Variants in PLGRKT observed in about 807,000 individuals in gnomAD.
PLGRKT encodes plasminogen receptor with a C-terminal lysine, also known as plasminogen receptor (KT).
Under a neutral mutation model 18.5 loss-of-function variants are expected in PLGRKT, and 22 were observed. The observed-to-expected ratio is 1.19, with a 90% confidence interval of 0.85 to 1.70. The LOEUF (loss-of-function observed/expected upper bound fraction) is 1.70, where lower values mean the gene tolerates loss of function less well. PLGRKT is among the 40% of genes most tolerant of loss of function. The pLI, the probability that PLGRKT is intolerant of heterozygous loss-of-function variation, is 0.00. For synonymous variants in PLGRKT, 72 were observed against 52.8 expected, an observed-to-expected ratio of 1.36 and a Z score of -1.58; for missense variants, 235 against 174.4, an observed-to-expected ratio of 1.35 and a Z score of -1.96.
chr9:5,365,329 C>G lies in PLGRKT; in HGVS notation c.82-3441G>C, dbSNP rs780147031. On this transcript the variant is annotated intron_variant, in intron 3 of 5. Coordinates refer to ENST00000223864, the MANE Select transcript of PLGRKT (RefSeq NM_018465.4). ...TCCAAAGCTGGAACAATTTTATCAG[C>G]AAAATAAATAACATAGTGTTGGATT... 5.9e-5 allele frequency among the ~76,000 whole-genome samples: 9 copies of G among 151,988 alleles called. 1 individual carries two copies. Among genetic ancestry groups the G allele is most frequent in the Non-Finnish European group, 1.3e-4 (9 of 67,982 alleles).
chr9:5,413,505 G>T (rs550888833), intron 3 of PLGRKT, among the ~76,000 whole-genome samples: 5 of 152,160 alleles, frequency 3.3e-5, no homozygotes, highest in African/African-American at 1.2e-4. Flanking sequence ...AAAGATGGAG[G>T]CAAGAGAGTC....
intron 3 of PLGRKT, among the ~76,000 whole-genome samples, chr9:5,392,866 G>C (rs1241530437): frequency 6.6e-6 from 1 of 151,456 alleles, no homozygotes; most frequent in Admixed American, 6.6e-5. Flanking sequence ...TTTTGAGACA[G>C]AGTCTCACTC....
chr9:5,437,990 C>G (rs370348999), upstream of PLGRKT: 1 of 152,260 alleles, frequency 6.6e-6, no homozygotes, highest in Non-Finnish European at 1.5e-5. Flanking sequence ...CCGGGTGTGT[C>G]CTTCCGGGCC....
At chr9:5,415,618 A>C (rs964819795) in intron 3 of PLGRKT, among the ~76,000 whole-genome samples, 4 of 152,202 alleles carry the variant, frequency 2.6e-5, no homozygotes, top group Non-Finnish European at 4.4e-5. Flanking sequence ...ATCAAGGTTA[A>C]CACCACTAGC....
chr9:5,410,304 G>A (rs1374685232), intron 3 of PLGRKT, among the ~76,000 whole-genome samples: 4 of 152,124 alleles, frequency 2.6e-5, no homozygotes, highest in African/African-American at 9.7e-5. Context: ...GGGAGGCTGA[G>A]TCAAGTGGAT....
chr9:5,431,332 G>A (rs376692163), intron 3 of PLGRKT, among the ~76,000 whole-genome samples: 2 of 152,086 alleles, frequency 1.3e-5, no homozygotes, highest in East Asian at 3.9e-4. Flanking sequence ...CCAGGAGTTC[G>A]AGACCAGCCT....
intron 3 of PLGRKT, among the ~76,000 whole-genome samples, chr9:5,364,449 G>C (rs973186918): frequency 4.6e-5 from 7 of 152,136 alleles, no homozygotes; most frequent in Non-Finnish European, 1.5e-5. Flanking sequence ...TTCTGCATTT[G>C]TCAAAACTCA....
chr9:5,381,232 A>G (rs1817738500), intron 3 of PLGRKT, among the ~76,000 whole-genome samples: 2 of 152,236 alleles, frequency 1.3e-5, no homozygotes, highest in Admixed American at 6.5e-5. Context: ...AGGGCATTTC[A>G]GAGCTGTTCG....
At chr9:5,402,807 C>A (rs1295211813) in intron 3 of PLGRKT, among the ~76,000 whole-genome samples, 1 of 151,776 alleles carries the variant, frequency 6.6e-6, no homozygotes, top group Non-Finnish European at 1.5e-5. Flanking sequence ...AGTAGGACAG[C>A]AAAATTAAGT....
chr9:5,426,795 A>G (rs1400831475), intron 3 of PLGRKT, among the ~76,000 whole-genome samples: 2 of 152,194 alleles, frequency 1.3e-5, no homozygotes, highest in African/African-American at 2.4e-5. Flanking sequence ...CCAGTCAAAG[A>G]GCAGACTTGC....
intron 3 of PLGRKT, among the ~76,000 whole-genome samples, chr9:5,416,540 A>G (rs1818461402): frequency 6.6e-6 from 1 of 152,240 alleles, no homozygotes; most frequent in Non-Finnish European, 1.5e-5. Context: ...CAGAATTAAT[A>G]AATAATAAAG....
chr9:5,361,907 A>T lies in PLGRKT; in HGVS notation c.82-19T>A, dbSNP rs371616813. ...TTTCCAGCTAAGGACAAAACAAAAGACAAAGTAAAGTTACTCATCTTTGGA... is the reference window on the plus strand; with the variant it reads ...TTTCCAGCTAAGGACAAAACAAAAGTCAAAGTAAAGTTACTCATCTTTGGA... On this transcript the variant is annotated intron_variant, in intron 3 of 5. Transcript: ENST00000223864. 18 of 1,606,934 alleles carry T rather than the reference A, an allele frequency of 1.1e-5. No individual in the cohort carries two copies. In the African/African-American group the frequency reaches 2.1e-4, roughly 19 times the overall value.
At position 5,412,192 on chromosome 9, in the gene PLGRKT, C is replaced by T. The variant is rs555237786; in HGVS notation, c.81+19705G>A. Reference sequence around the variant, plus strand: ...ATGTGATACAGGTAGTATCTCAACTCACTGGGGGTAAAGATAGACTTCTTA... The same window carrying T: ...ATGTGATACAGGTAGTATCTCAACTTACTGGGGGTAAAGATAGACTTCTTA... On this transcript the variant is annotated intron_variant, in intron 3 of 5. Coordinates refer to ENST00000223864, the MANE Select transcript of PLGRKT (RefSeq NM_018465.4). Among the ~76,000 whole-genome samples the T allele has an allele frequency of 2.0e-5, 3 of 152,278 alleles. No homozygotes were observed. The East Asian group carries it at 5.8e-4, about 29-fold the overall frequency.
At chr9:5,381,656 T>G (rs1817748711) in intron 3 of PLGRKT, among the ~76,000 whole-genome samples, 1 of 150,968 alleles carries the variant, frequency 6.6e-6, no homozygotes, top group African/African-American at 2.5e-5. Flanking sequence ...CCTGAGACTG[T>G]AAATGCAGAG....
chr9:5,378,123 G>A (rs1266332584), intron 3 of PLGRKT, among the ~76,000 whole-genome samples: 1 of 152,068 alleles, frequency 6.6e-6, no homozygotes, highest in Non-Finnish European at 1.5e-5. Flanking sequence ...TAGTCAACCT[G>A]GTTCTTCATC....
chr9:5,428,701 T>C (rs1448196179), intron 3 of PLGRKT, among the ~76,000 whole-genome samples: 1 of 151,846 alleles, frequency 6.6e-6, no homozygotes, highest in African/African-American at 2.4e-5. Flanking sequence ...TTTATTGTTA[T>C]TGTTTTGGTT....
chr9:5,434,573 G>C lies in PLGRKT; in HGVS notation c.-7+1996C>G, dbSNP rs559829018. ...GCCTCTGCCCAGCCGCCCCGTCTGGGAAGTGGGCGCCTCTGCCTGGCCGCC... is the reference window on the plus strand; with the variant it reads ...GCCTCTGCCCAGCCGCCCCGTCTGGCAAGTGGGCGCCTCTGCCTGGCCGCC... On this transcript the variant is annotated intron_variant, in intron 2 of 5. Coordinates refer to ENST00000223864, the MANE Select transcript of PLGRKT (RefSeq NM_018465.4). Among the ~76,000 whole-genome samples, 162 of 151,052 alleles carry C rather than the reference G, an allele frequency of 1.1e-3. 3 individuals carry two copies. Among genetic ancestry groups the C allele is most frequent in the African/African-American group, 3.8e-3 (155 of 40,864 alleles).
intron 3 of PLGRKT, among the ~76,000 whole-genome samples, chr9:5,392,917 CT>C (rs1817976820): frequency 6.6e-6 from 1 of 151,756 alleles, no homozygotes; most frequent in Non-Finnish European, 1.5e-5. Context: ...TCTCGGCTCA[CT>C]GCAACCTCCA....
At chr9:5,390,938 G>A (rs1456881282) in intron 3 of PLGRKT, among the ~76,000 whole-genome samples, 1 of 151,808 alleles carries the variant, frequency 6.6e-6, no homozygotes, top group East Asian at 1.9e-4. Flanking sequence ...ATTATAATAA[G>A]GGGGACATTA....
Sources: gnomAD v4.1 joint callset for allele counts (sites outside exome capture counted in the v4.1 genomes callset) on GRCh38, gnomAD v4.1.1 for gene constraint, MANE v1.5 for transcripts, NCBI Gene and HGNC (gene_info 2026-07-23, HGNC 2026-07-21) for gene names.